PAPPA2: variants seen among roughly 807,000 people sequenced by gnomAD.
PAPPA2 encodes pappalysin 2, also known as pappalysin-2.
In PAPPA2, 86 loss-of-function variants were observed where a neutral mutation model predicts 176.4. That is an observed-to-expected ratio of 0.49 (90% CI 0.41 to 0.58). The LOEUF is 0.58. Ranked by LOEUF, PAPPA2 falls within the 20% of genes least tolerant of loss-of-function variation. The pLI, the probability that PAPPA2 is intolerant of heterozygous loss-of-function variation, is 0.00. For missense variants in PAPPA2, 2,073 were observed against 2,256.9 expected, an observed-to-expected ratio of 0.92 and a Z score of 1.65; for synonymous variants, 809 against 852.2, an observed-to-expected ratio of 0.95 and a Z score of 0.88.
chr1:176,486,745 A>G (rs1406321924), intron 1 of PAPPA2, among the ~76,000 whole-genome samples: 1 of 152,176 alleles, frequency 6.6e-6, no homozygotes, highest in Non-Finnish European at 1.5e-5. Flanking sequence ...AAGGACGATG[A>G]GAGGGAGAGG....
At chr1:176,664,551 C>G (rs1013451793) in intron 3 of PAPPA2, among the ~76,000 whole-genome samples, 1 of 152,180 alleles carries the variant, frequency 6.6e-6, no homozygotes, top group African/African-American at 2.4e-5. Flanking sequence ...TTAGTCAAAT[C>G]TAAACAGTCC....
chr1:176,726,601 G>A (rs1661887374), intron 12 of PAPPA2, among the ~76,000 whole-genome samples: 1 of 152,200 alleles, frequency 6.6e-6, no homozygotes, highest in African/African-American at 2.4e-5. Context: ...CATTTCTTCT[G>A]AGGCCAGAAA....
chr1:176,520,140 A>G (rs953025763), intron 1 of PAPPA2, among the ~76,000 whole-genome samples: 5 of 152,206 alleles, frequency 3.3e-5, no homozygotes, highest in Admixed American at 2.0e-4. Context: ...GACAAGGAAC[A>G]AAGTGGGAAT....
intron 12 of PAPPA2, among the ~76,000 whole-genome samples, chr1:176,731,961 G>T (rs1662179891): frequency 6.6e-6 from 1 of 152,100 alleles, no homozygotes; most frequent in East Asian, 1.9e-4. Flanking sequence ...TCAAATTCAA[G>T]TGCCCATACT....
At chr1:176,710,415 T>G (rs1464320689) in intron 11 of PAPPA2, among the ~76,000 whole-genome samples, 2 of 152,152 alleles carry the variant, frequency 1.3e-5, no homozygotes, top group Non-Finnish European at 2.9e-5. Flanking sequence ...GTAACACCAT[T>G]TGCACTGTTT....
intron 3 of PAPPA2, among the ~76,000 whole-genome samples, chr1:176,598,122 A>G (rs1227741735): frequency 6.6e-6 from 1 of 152,236 alleles, no homozygotes; most frequent in Non-Finnish European, 1.5e-5. Context: ...ATACTAACTC[A>G]AAGTAAAAAA....
chr1:176,635,013 A>AGATG (rs540832449), intron 3 of PAPPA2, among the ~76,000 whole-genome samples: 61 of 147,684 alleles, frequency 4.1e-4, no homozygotes, highest in Non-Finnish European at 5.6e-4. Context: ...ATAGATAGAT[A>AGATG]GATGCACAGC....
chr1:176,803,875 C>G (rs1665786526), intron 21 of PAPPA2, among the ~76,000 whole-genome samples: 1 of 152,174 alleles, frequency 6.6e-6, no homozygotes, highest in Non-Finnish European at 1.5e-5. Flanking sequence ...CACTCTACTC[C>G]AGGCATAAAA....
At chr1:176,579,234 A>G (rs1652823881) in intron 2 of PAPPA2, among the ~76,000 whole-genome samples, 1 of 152,160 alleles carries the variant, frequency 6.6e-6, no homozygotes. Flanking sequence ...CCCGTCAAAT[A>G]CAGATTTCTA....
intron 3 of PAPPA2, among the ~76,000 whole-genome samples, chr1:176,645,816 G>A (rs532450905): frequency 6.6e-6 from 1 of 151,706 alleles, no homozygotes; most frequent in East Asian, 1.9e-4. Flanking sequence ...ATGTGGTTTT[G>A]GTTTGAATTT....
rs547457078 is a variant in PAPPA2, at chr1:176,503,583, G to A, written c.-917+40165G>A. 4.6e-4 allele frequency among the ~76,000 whole-genome samples: 70 copies of A among 152,228 alleles called. 1 individual carries two copies. In the South Asian group the frequency reaches 0.014, roughly 30 times the overall value. On this transcript the variant is annotated intron_variant, in intron 1 of 22. Transcript: ENST00000367662. ...AATTTAAAACATAGCCATAGAGGTA[G>A]GTGTGAAATTTCCTGATTCTCACTA... is the stretch of plus-strand genomic sequence containing the variant.
At chr1:176,786,228 T>G (rs1418287309) in intron 17 of PAPPA2, among the ~76,000 whole-genome samples, 1 of 152,184 alleles carries the variant, frequency 6.6e-6, no homozygotes, top group Non-Finnish European at 1.5e-5. Context: ...GGAGAGGCAT[T>G]TTTAAATGTC....
intron 14 of PAPPA2, among the ~76,000 whole-genome samples, chr1:176,753,658 G>A (rs1249129108): frequency 7.8e-6 from 1 of 127,542 alleles, no homozygotes; most frequent in Non-Finnish European, 1.6e-5. Flanking sequence ...TCCTTTTAAT[G>A]TTCCTGAGTG....
chr1:176,818,099 A>C (rs1481351896), intron 21 of PAPPA2, among the ~76,000 whole-genome samples: 1 of 152,164 alleles, frequency 6.6e-6, no homozygotes, highest in Non-Finnish European at 1.5e-5. Flanking sequence ...GCCTAAGGGA[A>C]AAAGAAATGG....
At chr1:176,649,300 T>C (rs1336103381) in intron 3 of PAPPA2, among the ~76,000 whole-genome samples, 1 of 151,396 alleles carries the variant, frequency 6.6e-6, no homozygotes, top group East Asian at 1.9e-4. Context: ...CTGAATTCTT[T>C]TTTGTTTCTG....
intron 3 of PAPPA2, among the ~76,000 whole-genome samples, chr1:176,634,984 T>TAGAA: frequency 6.6e-6 from 1 of 151,510 alleles, no homozygotes; most frequent in East Asian, 2.0e-4. Context: ...GATAGATAGA[T>TAGAA]AGATAGATAG....
intron 2 of PAPPA2, among the ~76,000 whole-genome samples, chr1:176,587,015 G>A (rs1015637821): frequency 6.6e-6 from 1 of 151,980 alleles, no homozygotes; most frequent in Non-Finnish European, 1.5e-5. Flanking sequence ...TCTCATTGTG[G>A]TTTTGATTTC....
Position 176,699,155 on chromosome 1 carries a change from G to A in PAPPA2, c.2802G>A (p.Glu934=). Residue 934 remains glutamate, a synonymous_variant, in exon 8 of 23, where the codon GAG becomes GAA. Coordinates refer to ENST00000367662, the MANE Select transcript of PAPPA2 (RefSeq NM_020318.3). ...CAAGCTTACAGGCCTGGAGCCCTGA[G>A]GTCCACCTGTACCACATGAACATGA... ...CEPSLQAWSP[E]VHLYHMNMTV... The A allele has an allele frequency of 6.2e-7, 1 of 1,614,106 alleles. No homozygotes were observed. Among genetic ancestry groups the A allele is most frequent in the East Asian group, 2.2e-5 (1 of 44,874 alleles).
chr1:176,724,577 C>T (rs1661775963), intron 12 of PAPPA2, among the ~76,000 whole-genome samples: 1 of 152,204 alleles, frequency 6.6e-6, no homozygotes, highest in South Asian at 2.1e-4. Context: ...CACATGCTCA[C>T]AGTGTCTTCC....
Sources: allele counts gnomAD v4.1 joint callset (sites outside exome capture counted in the v4.1 genomes callset), GRCh38; gene constraint gnomAD v4.1.1; transcripts MANE v1.5; gene names NCBI Gene and HGNC (gene_info 2026-07-23, HGNC 2026-07-21).